ZFP69: variants seen among roughly 807,000 people sequenced by gnomAD.
The protein encoded by ZFP69 is ZFP69 zinc finger protein.
A neutral mutation model predicts 48.9 loss-of-function variants in ZFP69; 35 were observed. The observed-to-expected ratio is 0.72, with a 90% confidence interval of 0.55 to 0.95. The LOEUF (loss-of-function observed/expected upper bound fraction) is 0.95, where lower values mean the gene tolerates loss of function less well. Among genes scored for constraint, ZFP69 ranks in the 40% least tolerant of loss-of-function variants. The pLI is 0.00. For missense variants in ZFP69, 557 were observed against 638.4 expected, an observed-to-expected ratio of 0.87 and a Z score of 1.37; for synonymous variants, 193 against 216.8, an observed-to-expected ratio of 0.89 and a Z score of 0.96.
chr1:40,487,006 C>T (rs760232200), intron 3 of ZFP69, among the ~76,000 whole-genome samples: 1 of 150,540 alleles, frequency 6.6e-6, no homozygotes, highest in Non-Finnish European at 1.5e-5. Flanking sequence ...CTCACTGCAA[C>T]CTCCGCCTCC....
chr1:40,481,672 G>A, intron 2 of ZFP69, 91 bp from the exon 3 acceptor site: 1 of 972,056 alleles, frequency 1.0e-6, no homozygotes, highest in East Asian at 2.5e-5. Context: ...ACCTTTTTGG[G>A]GGAGGAGCCA....
intron 3 of ZFP69, 43 bp from the exon 4 acceptor site, chr1:40,489,045 A>G (rs1308015894): frequency 7.4e-6 from 12 of 1,612,480 alleles, no homozygotes; most frequent in African/African-American, 2.7e-5. Context: ...GGAACTTAAC[A>G]GAGGTGGTCT....
intron 3 of ZFP69, among the ~76,000 whole-genome samples, chr1:40,485,507 A>G (rs944841114): frequency 1.3e-5 from 2 of 152,150 alleles, no homozygotes; most frequent in Non-Finnish European, 2.9e-5. Flanking sequence ...ACTGTCTTAT[A>G]ACAAATTATG....
rs775397004 is a variant in ZFP69 at position 40,489,076 on chromosome 1, T to C, written c.220-12T>C. On this transcript the variant is annotated splice_polypyrimidine_tract_variant and intron_variant, in intron 3 of 5. Transcript: ENST00000372706. ...GGTCTCCGGCTAAAAATGAATGTAT[T>C]TGATGTTCTAGGAATTGTTGACTTT... is the stretch of plus-strand genomic sequence containing the variant. 4 of 1,613,464 alleles carry C rather than the reference T, an allele frequency of 2.5e-6. No individual in the cohort carries two copies. Among genetic ancestry groups the C allele is most frequent in the African/African-American group, 2.7e-5 (2 of 74,592 alleles).
chr1:40,485,261 A>G (rs932275296), intron 3 of ZFP69, among the ~76,000 whole-genome samples: 1 of 152,076 alleles, frequency 6.6e-6, no homozygotes, highest in Admixed American at 6.5e-5. Flanking sequence ...AGGCCATATA[A>G]TATTAATTCA....
Position 40,477,903 on chromosome 1 carries a change from G to C in ZFP69, c.-327+9G>C, listed in dbSNP as rs1038080666. ...GGTCCAAGGCCGATGTGGTGAGTAG[G>C]AGTCTGTGTGCAGTCTTTGAGTCCG... On this transcript the variant is annotated intron_variant, in intron 1 of 5. Coordinates refer to ENST00000372706, the MANE Select transcript of ZFP69 (RefSeq NM_001320179.2). This position sits in a 1 kb window ranked among gnomAD's most constrained non-coding sequence, Gnocchi z 4.0. 5 of 152,624 alleles carry C rather than the reference G, an allele frequency of 3.3e-5. No homozygotes were observed. The highest frequency in any genetic ancestry group is 1.9e-4 in the East Asian group (1 of 5,192). 9.5% of individuals were successfully genotyped at this position (152,624 alleles called of 1,614,324 possible). A position where few individuals can be genotyped will look rare whatever the true frequency, so the allele number is the denominator to read the frequency against.
chr1:40,483,737 C>T (rs1382254847), intron 3 of ZFP69, among the ~76,000 whole-genome samples: 2 of 152,096 alleles, frequency 1.3e-5, no homozygotes, highest in African/African-American at 2.4e-5. Context: ...TCCTAGATGG[C>T]AGATATTAGC....
intron 3 of ZFP69, among the ~76,000 whole-genome samples, chr1:40,486,925 A>ATT (rs557530908): frequency 9.8e-4 from 133 of 135,390 alleles, no homozygotes; most frequent in Non-Finnish European, 1.4e-3. Flanking sequence ...TTTACAGTTG[A>ATT]TTTTTTTTTT....
intron 3 of ZFP69, among the ~76,000 whole-genome samples, chr1:40,486,696 A>C (rs1645504073): frequency 6.6e-6 from 1 of 151,986 alleles, no homozygotes; most frequent in African/African-American, 2.4e-5. Flanking sequence ...TGCTAGGATT[A>C]CAGGCAGGAG....
intron 3 of ZFP69, among the ~76,000 whole-genome samples, chr1:40,487,273 A>T (rs1055368808): frequency 1.3e-5 from 2 of 152,176 alleles, no homozygotes; most frequent in Admixed American, 6.5e-5. Context: ...GTCCACTTCT[A>T]TATAGACTTT....
At chr1:40,489,686 A>C in intron 5 of ZFP69, 62 bp downstream of exon 5, 2 of 1,247,496 alleles carry the variant, frequency 1.6e-6, no homozygotes, top group African/African-American at 3.0e-5. Context: ...AAACTTCATA[A>C]TTTATAAAGA....
rs1203290230 is a variant in ZFP69, at chr1:40,479,041, G to A, written c.-321G>A. On this transcript the variant is annotated 5_prime_UTR_variant, in exon 2 of 6. Transcript: ENST00000372706. ...TTTTAAATATATTTCTGCAGATTCT[G>A]GAGTTCTGGAGACAAGTGCTTCTGG... 4.0e-6 allele frequency: 1 copy of A among 248,564 alleles called. No individual in the cohort carries two copies. The highest frequency in any genetic ancestry group is 2.3e-5 in the African/African-American group (1 of 43,348). 15.4% of individuals were successfully genotyped at this position (248,564 alleles called of 1,614,324 possible). A position where few individuals can be genotyped will look rare whatever the true frequency, so the allele number is the denominator to read the frequency against.
chr1:40,479,106 G>A lies in ZFP69; in HGVS notation c.-256G>A. 1 of 400,252 alleles carries A rather than the reference G, an allele frequency of 2.5e-6. No homozygotes were observed. Among genetic ancestry groups the A allele is most frequent in the South Asian group, 2.2e-5 (1 of 44,688 alleles). 24.8% of individuals were successfully genotyped at this position (400,252 alleles called of 1,614,324 possible). The stretch of plus-strand genomic sequence containing the variant: ...CCCTTTTGCTCCTCTAAAGAGTATG[G>A]AGACATGAACTCAAACCTAACTAAC... On this transcript the variant is annotated 5_prime_UTR_variant, in exon 2 of 6. Coordinates refer to ENST00000372706, the MANE Select transcript of ZFP69 (RefSeq NM_001320179.2).
In ZFP69 at chr1:40,495,125, A is replaced by G; in HGVS notation, c.647A>G (p.His216Arg). 6.2e-7 allele frequency: 1 copy of G among 1,614,118 alleles called. No individual in the cohort carries two copies. Among genetic ancestry groups the G allele is most frequent in the Non-Finnish European group, 8.5e-7 (1 of 1,180,010 alleles). ...MRDVRQAILT[H>R]KKRVQETNKF... ...GATGTGAGACAAGCCATCTTGACCCATAAGAAGAGAGTCCAAGAAACTAAC... is the reference window on the plus strand; with the variant it reads ...GATGTGAGACAAGCCATCTTGACCCGTAAGAAGAGAGTCCAAGAAACTAAC... The change falls in exon 6 of 6, where the codon CAT (histidine) becomes CGT (arginine). Residue 216 changes from histidine to arginine, a missense_variant. His to Arg is a conservative substitution (Grantham distance 29). Coordinates refer to ENST00000372706, the MANE Select transcript of ZFP69 (RefSeq NM_001320179.2).
intron 3 of ZFP69, among the ~76,000 whole-genome samples, chr1:40,485,221 C>T (rs1461254297): frequency 6.6e-6 from 1 of 151,826 alleles, no homozygotes; most frequent in Non-Finnish European, 1.5e-5. Context: ...GTTGCCCTAA[C>T]AACCACTAAA....
chr1:40,495,744 T>C lies in ZFP69; in HGVS notation c.1266T>C (p.His422=), dbSNP rs772257676. The part of the protein sequence containing the change: ...ACTACCKTFS[H]RAYLTHHQRI... ...CTGCATGTTGTAAAACCTTTAGTCATAGAGCGTATCTAACACATCACCAGA... is the reference window on the plus strand; with the variant it reads ...CTGCATGTTGTAAAACCTTTAGTCACAGAGCGTATCTAACACATCACCAGA... The change falls in exon 6 of 6, where the codon CAT becomes CAC. Residue 422 remains histidine (H), a synonymous_variant. Transcript: ENST00000372706. 1.4e-5 allele frequency: 23 copies of C among 1,613,908 alleles called. No homozygotes were observed. In the East Asian group the frequency reaches 3.8e-4, roughly 27 times the overall value.
intron 3 of ZFP69, among the ~76,000 whole-genome samples, chr1:40,487,667 C>G (rs1350887160): frequency 6.6e-6 from 1 of 152,160 alleles, no homozygotes; most frequent in Non-Finnish European, 1.5e-5. Flanking sequence ...TCAGGTGTTT[C>G]AAGTATTTAC....
At position 40,494,722 on chromosome 1, in the gene ZFP69, CAA is replaced by C. The variant is rs1370353755; in HGVS notation, c.443-197_443-196del. ...ACATTATATATATATAAATATATATCAAATATATATATATATATAAAATGACA... is the reference window on the plus strand; with the variant it reads ...ACATTATATATATATAAATATATATCATATATATATATATATAAAATGACA... On this transcript the variant is annotated intron_variant, in intron 5 of 5. Coordinates refer to ENST00000372706, the MANE Select transcript of ZFP69 (RefSeq NM_001320179.2). 3.9e-5 allele frequency among the ~76,000 whole-genome samples: 5 copies of C among 126,620 alleles called. No individual in the cohort carries two copies. The South Asian group carries it at 7.1e-4, about 18-fold the overall frequency. The allele number at this position is 126,620 out of a possible 152,430, so 83.1% of individuals were successfully genotyped here. A position where few individuals can be genotyped will look rare whatever the true frequency, so the allele number is the denominator to read the frequency against.
chr1:40,479,066 G>T lies in ZFP69; in HGVS notation c.-296G>T. 1 of 265,638 alleles carries T rather than the reference G, an allele frequency of 3.8e-6. No homozygotes were observed. The highest frequency in any genetic ancestry group is 7.3e-6 in the Non-Finnish European group (1 of 136,642). The allele number at this position is 265,638 out of a possible 1,614,324, so 16.5% of individuals were successfully genotyped here. On this transcript the variant is annotated 5_prime_UTR_variant, in exon 2 of 6. Transcript: ENST00000372706. ...GGAGTTCTGGAGACAAGTGCTTCTG[G>T]ATCCCTCTTCCCTTCCCTTTTGCTC...
Sources: allele counts gnomAD v4.1 joint callset (sites outside exome capture counted in the v4.1 genomes callset), GRCh38; gene constraint gnomAD v4.1.1; non-coding constraint Gnocchi (gnomAD v3.1); transcripts MANE v1.5; gene names NCBI Gene and HGNC (gene_info 2026-07-23, HGNC 2026-07-21).